TMOD1: variants seen among roughly 807,000 people sequenced by gnomAD.
The protein encoded by TMOD1 is tropomodulin 1.
A neutral mutation model predicts 40.6 loss-of-function variants in TMOD1; 17 were observed. That is an observed-to-expected ratio of 0.42 (90% CI 0.29 to 0.63). The LOEUF (loss-of-function observed/expected upper bound fraction) is 0.63, where lower values mean the gene tolerates loss of function less well. Ranked by LOEUF, TMOD1 falls within the 20% of genes least tolerant of loss-of-function variation. The pLI is 0.22. For missense variants in TMOD1, 391 were observed against 447.6 expected (o/e 0.87, Z 1.14); for synonymous variants, 181 against 175.0 (o/e 1.03, Z -0.27).
rs1378960264 is a variant in TMOD1 at position 97,535,656 on chromosome 9, G to A, written c.121-10529G>A. ...AACATTTTCCCTGCACATGAGGCAG[G>A]AAAGGAGGATTTGGAGAAAGCCAGG... On this transcript the variant is annotated intron_variant, in intron 2 of 9. Coordinates refer to ENST00000259365, the MANE Select transcript of TMOD1 (RefSeq NM_003275.4). Among the ~76,000 whole-genome samples the A allele has an allele frequency of 2.0e-5, 3 of 152,382 alleles. No individual in the cohort carries two copies. In the East Asian group the frequency reaches 5.8e-4, roughly 29 times the overall value.
chr9:97,588,823 G>C (rs1417242987), intron 8 of TMOD1, among the ~76,000 whole-genome samples: 1 of 152,026 alleles, frequency 6.6e-6, no homozygotes, highest in Non-Finnish European at 1.5e-5. Context: ...GTTAGAATTA[G>C]TATTTTATTC....
chr9:97,531,033 A>ACCCCCCCCCCCCC lies in TMOD1; in HGVS notation c.120+6728_120+6729insCCCCCCCCCCCCC, dbSNP rs202030181. On this transcript the variant is annotated intron_variant, in intron 2 of 9. Coordinates refer to ENST00000259365, the MANE Select transcript of TMOD1 (RefSeq NM_003275.4). ...GAACTCCTGACCTTAGGTGATCCAC[A>ACCCCCCCCCCCCC]CCCACCCCCCCCACCACCCCTTGGC... is the stretch of plus-strand genomic sequence containing the variant. 1.0e-3 allele frequency among the ~76,000 whole-genome samples: 81 copies of ACCCCCCCCCCCCC among 78,252 alleles called. 13 individuals are homozygous for ACCCCCCCCCCCCC. The highest frequency in any genetic ancestry group is 1.2e-3 in the Non-Finnish European group (51 of 41,328). The allele number at this position is 78,252 out of a possible 152,430, so 51.3% of individuals were successfully genotyped here.
Position 97,584,018 on chromosome 9 carries a change from C to T in TMOD1, c.871-7273C>T, listed in dbSNP as rs371587413. Among the ~76,000 whole-genome samples, 75 of 151,522 alleles carry T rather than the reference C, an allele frequency of 4.9e-4. No homozygotes were observed. In the East Asian group the frequency reaches 6.8e-3, roughly 14 times the overall value. On this transcript the variant is annotated intron_variant, in intron 8 of 9. Transcript: ENST00000259365. ...CTATTTCCTTCAGTTCTGCTCTGAT[C>T]TTAGTTATTTCTTGCCTTCTGCTAG...
At chr9:97,535,679 A>C (rs182611229) in intron 2 of TMOD1, among the ~76,000 whole-genome samples, 1 of 152,246 alleles carries the variant, frequency 6.6e-6, no homozygotes, top group Admixed American at 6.5e-5. Flanking sequence ...GGAGAAAGCC[A>C]GGGAGGGAAG....
Position 97,601,413 on chromosome 9 carries a change from C to G in TMOD1, c.*1715C>G, listed in dbSNP as rs751095951. The G allele has an allele frequency of 9.7e-7, 1 of 1,035,510 alleles. No individual in the cohort carries two copies. The highest frequency in any genetic ancestry group is 3.1e-5 in the South Asian group (1 of 32,546). The allele number at this position is 1,035,510 out of a possible 1,614,324, so 64.1% of individuals were successfully genotyped here. ...CTAAAAACTGTGGCTCAAATGTCACCGAGCTTATATGAAGCTCCCAGAGAG... is the reference window on the plus strand; with the variant it reads ...CTAAAAACTGTGGCTCAAATGTCACGGAGCTTATATGAAGCTCCCAGAGAG... On this transcript the variant is annotated 3_prime_UTR_variant, in exon 10 of 10. Transcript: ENST00000259365.
chr9:97,586,349 G>T (rs1484189231), intron 8 of TMOD1, among the ~76,000 whole-genome samples: 3 of 152,058 alleles, frequency 2.0e-5, no homozygotes, highest in Non-Finnish European at 2.9e-5. Flanking sequence ...ACTTGAGGAG[G>T]CAGTCTGCCC....
At chr9:97,542,659 C>T (rs1830291169) in intron 2 of TMOD1, among the ~76,000 whole-genome samples, 1 of 151,942 alleles carries the variant, frequency 6.6e-6, no homozygotes, top group Non-Finnish European at 1.5e-5. Context: ...TCAAGACCAG[C>T]CTGACCAACA....
intron 3 of TMOD1, among the ~76,000 whole-genome samples, chr9:97,549,842 C>T (rs568055749): frequency 6.6e-6 from 1 of 152,250 alleles, no homozygotes; most frequent in East Asian, 1.9e-4. Context: ...CGTACCTCCA[C>T]CCGCCCTCCC....
intron 1 of TMOD1, among the ~76,000 whole-genome samples, chr9:97,514,475 T>A (rs1829767568): frequency 6.6e-6 from 1 of 152,146 alleles, no homozygotes; most frequent in Non-Finnish European, 1.5e-5. Flanking sequence ...TTCAATGAAG[T>A]ATGTGCCAGG....
At chr9:97,573,532 T>C (rs567338387) in intron 8 of TMOD1, among the ~76,000 whole-genome samples, 41 of 152,332 alleles carry the variant, frequency 2.7e-4, no homozygotes, top group African/African-American at 9.1e-4. Context: ...TATAGCAACT[T>C]AAACAGCCTC....
chr9:97,551,012 ATATTTTTTTTTTTTTTTTTT>A (rs1196351117), intron 3 of TMOD1, among the ~76,000 whole-genome samples: 3 of 39,354 alleles, frequency 7.6e-5, no homozygotes, highest in Admixed American at 2.3e-4. Context: ...ATATATATAT[ATATTTTTTTTTTTTTTTTTT>A]TTTTTTTTTT....
At chr9:97,561,067 C>T (rs1482135374) in intron 4 of TMOD1, among the ~76,000 whole-genome samples, 1 of 152,150 alleles carries the variant, frequency 6.6e-6, no homozygotes, top group African/African-American at 2.4e-5. Context: ...AAGCCAGGCT[C>T]TGGGTTTGGA....
At chr9:97,522,460 G>A (rs188758926) in intron 1 of TMOD1, among the ~76,000 whole-genome samples, 183 of 152,248 alleles carry the variant, frequency 1.2e-3, no homozygotes, top group Non-Finnish European at 1.8e-3. Flanking sequence ...TGCAATGACC[G>A]TATTTCCAGG....
chr9:97,562,950 C>A, intron 5 of TMOD1, 129 bp downstream of exon 5: 1 of 668,410 alleles, frequency 1.5e-6, no homozygotes, highest in Non-Finnish European at 2.5e-6. Flanking sequence ...TCCTTTGAGT[C>A]TCCTGGGATT....
At chr9:97,568,027 A>T (rs1830759261) in intron 7 of TMOD1, among the ~76,000 whole-genome samples, 1 of 152,124 alleles carries the variant, frequency 6.6e-6, no homozygotes, top group Non-Finnish European at 1.5e-5. Context: ...CCCCTGGCTG[A>T]GTTCCTCTGA....
intron 2 of TMOD1, among the ~76,000 whole-genome samples, chr9:97,532,225 AGAGCC>A (rs1213985737): frequency 1.3e-5 from 2 of 152,210 alleles, no homozygotes; most frequent in African/African-American, 4.8e-5. Context: ...GGCTGTGCAC[AGAGCC>A]GAGGATGGGC....
At chr9:97,509,501 T>G (rs866915797) in intron 1 of TMOD1, among the ~76,000 whole-genome samples, 3 of 132,570 alleles carry the variant, frequency 2.3e-5, no homozygotes, top group African/African-American at 5.5e-5. Flanking sequence ...CTAATAGAGG[T>G]TTTTTTTTTT....
intron 8 of TMOD1, among the ~76,000 whole-genome samples, chr9:97,583,248 A>G (rs952014103): frequency 4.1e-5 from 6 of 147,264 alleles, no homozygotes; most frequent in Non-Finnish European, 7.5e-5. Context: ...TTCTGCATCT[A>G]TTGAGATAAT....
In TMOD1 at chr9:97,600,551, T is replaced by C. The variant is rs895593244; in HGVS notation, c.*853T>C. 5 of 985,772 alleles carry C rather than the reference T, an allele frequency of 5.1e-6. No individual in the cohort carries two copies. The highest frequency in any genetic ancestry group is 2.3e-4 in the East Asian group (2 of 8,824). 61.1% of individuals were successfully genotyped at this position (985,772 alleles called of 1,614,324 possible). On this transcript the variant is annotated 3_prime_UTR_variant, in exon 10 of 10. Transcript: ENST00000259365. Reference sequence around the variant, plus strand: ...TATATTGCACAGTGGGCAAATGGCTTATGTGAGGTAAGACACTAGAGGGAT... The same window carrying C: ...TATATTGCACAGTGGGCAAATGGCTCATGTGAGGTAAGACACTAGAGGGAT...
Sources: allele counts gnomAD v4.1 joint callset (sites outside exome capture counted in the v4.1 genomes callset), GRCh38; gene constraint gnomAD v4.1.1; transcripts MANE v1.5; gene names NCBI Gene and HGNC (gene_info 2026-07-23, HGNC 2026-07-21).